The following TAFA1 variants were observed in gnomAD, a reference collection of about 807,000 sequenced individuals.
TAFA1 encodes TAFA chemokine like family member 1.
A neutral mutation model predicts 18.5 loss-of-function variants in TAFA1; 4 were observed. The observed-to-expected ratio is 0.22, with a 90% CI of 0.11 to 0.49. TAFA1 has a LOEUF of 0.49. TAFA1 is among the 20% of genes least tolerant of loss of function. The pLI, the probability that TAFA1 is intolerant of heterozygous loss-of-function variation, is 0.98. For synonymous variants in TAFA1, 56 were observed against 55.2 expected (o/e 1.01, Z -0.06); for missense variants, 147 against 169.0 (o/e 0.87, Z 0.72).
At chr3:68,186,943 A>G (rs766364533) in intron 2 of TAFA1, among the ~76,000 whole-genome samples, 2 of 151,908 alleles carry the variant, frequency 1.3e-5, no homozygotes, top group Non-Finnish European at 2.9e-5. Context: ...TCTGTGGGTA[A>G]TTAGCAGTTT....
chr3:68,225,334 C>T (rs945112813), intron 2 of TAFA1, among the ~76,000 whole-genome samples: 3 of 152,142 alleles, frequency 2.0e-5, no homozygotes, highest in African/African-American at 4.8e-5. Flanking sequence ...CTAATCGGAA[C>T]TTGTGCCCAT....
chr3:68,275,768 C>T (rs1317964095), intron 2 of TAFA1, among the ~76,000 whole-genome samples: 2 of 151,996 alleles, frequency 1.3e-5, no homozygotes, highest in Non-Finnish European at 2.9e-5. Flanking sequence ...GGAAGCAGGA[C>T]TGTGCTGTTT....
chr3:68,060,203 T>TG (rs1213353581), intron 2 of TAFA1, among the ~76,000 whole-genome samples: 134 of 141,210 alleles, frequency 9.5e-4, no homozygotes, highest in East Asian at 6.9e-3. Flanking sequence ...TGTGTGTGTG[T>TG]TTGTGTGTGT....
At chr3:68,231,671 T>C (rs1425649213) in intron 2 of TAFA1, among the ~76,000 whole-genome samples, 1 of 152,208 alleles carries the variant, frequency 6.6e-6, no homozygotes, top group Non-Finnish European at 1.5e-5. Flanking sequence ...ATCTATTTGA[T>C]TTTTGCTAAC....
In TAFA1 at chr3:68,036,960, A is replaced by G. The variant is rs114119086; in HGVS notation, c.118+30216A>G. ...ACACTTATTGAGTGCTAAGTCCCTC[A>G]CCAGGAACTAATTCCTGCTCTCTGA... On this transcript the variant is annotated intron_variant, in intron 2 of 4. Transcript: ENST00000478136. Among the ~76,000 whole-genome samples the G allele has an allele frequency of 2.1e-3, 325 of 152,250 alleles. 3 individuals are homozygous for G. The highest frequency in any genetic ancestry group is 7.5e-3 in the African/African-American group (313 of 41,554).
intron 2 of TAFA1, among the ~76,000 whole-genome samples, chr3:68,028,342 A>G (rs1177162034): frequency 6.6e-6 from 1 of 152,140 alleles, no homozygotes; most frequent in Non-Finnish European, 1.5e-5. Context: ...GTATATATAT[A>G]TAGCTGCATC....
At chr3:68,211,964 G>T (rs144176738) in intron 2 of TAFA1, among the ~76,000 whole-genome samples, 1 of 152,138 alleles carries the variant, frequency 6.6e-6, no homozygotes, top group East Asian at 1.9e-4. Flanking sequence ...TAGGCTTGGA[G>T]GGTCAAATAT....
chr3:68,187,253 A>G (rs2066282347), intron 2 of TAFA1, among the ~76,000 whole-genome samples: 1 of 152,040 alleles, frequency 6.6e-6, no homozygotes. Flanking sequence ...GGAGTATAGC[A>G]TATAAAAAAA....
chr3:68,411,208 C>T (rs1444808921), intron 2 of TAFA1, among the ~76,000 whole-genome samples: 1 of 152,156 alleles, frequency 6.6e-6, no homozygotes, highest in Admixed American at 6.5e-5. Flanking sequence ...CACCTTCTCA[C>T]TGTATCATGG....
chr3:68,074,171 T>C (rs1278717349), intron 2 of TAFA1, among the ~76,000 whole-genome samples: 1 of 152,094 alleles, frequency 6.6e-6, no homozygotes, highest in African/African-American at 2.4e-5. Context: ...AATAGAGTTC[T>C]TGCTCCTATG....
At chr3:68,304,848 G>T (rs2068375060) in intron 2 of TAFA1, among the ~76,000 whole-genome samples, 1 of 152,104 alleles carries the variant, frequency 6.6e-6, no homozygotes, top group Non-Finnish European at 1.5e-5. Flanking sequence ...TTGTTTAGTT[G>T]GGTGTTTTCA....
intron 2 of TAFA1, among the ~76,000 whole-genome samples, chr3:68,396,784 T>C (rs1335280425): frequency 6.6e-6 from 1 of 152,226 alleles, no homozygotes; most frequent in African/African-American, 2.4e-5. Flanking sequence ...CATAAAAGTT[T>C]AAACAATTCT....
chr3:68,375,785 C>G (rs887364236), intron 2 of TAFA1, among the ~76,000 whole-genome samples: 1 of 152,116 alleles, frequency 6.6e-6, no homozygotes, highest in African/African-American at 2.4e-5. Flanking sequence ...AAGTTTGAGA[C>G]CATTGCTATA....
intron 2 of TAFA1, among the ~76,000 whole-genome samples, chr3:68,011,691 A>G (rs1425680370): frequency 1.3e-5 from 2 of 152,234 alleles, no homozygotes; most frequent in African/African-American, 4.8e-5. Flanking sequence ...AATGCGTACC[A>G]GTGCTAGGCT....
chr3:68,281,989 A>G (rs2067906760), intron 2 of TAFA1, among the ~76,000 whole-genome samples: 1 of 152,182 alleles, frequency 6.6e-6, no homozygotes. Context: ...ATGGCTGGGG[A>G]GGCCTCAGGA....
chr3:68,275,160 G>T (rs1328116185), intron 2 of TAFA1, among the ~76,000 whole-genome samples: 1 of 152,130 alleles, frequency 6.6e-6, no homozygotes, highest in Non-Finnish European at 1.5e-5. Flanking sequence ...AGGTACTGGG[G>T]TGATAGCAGT....
chr3:68,033,468 T>C (rs1704979306), intron 2 of TAFA1, among the ~76,000 whole-genome samples: 1 of 152,234 alleles, frequency 6.6e-6, no homozygotes, highest in Non-Finnish European at 1.5e-5. Flanking sequence ...TGCAAGCATT[T>C]AGCTTCTGAC....
chr3:68,483,396 A>C (rs2072273333), intron 3 of TAFA1, among the ~76,000 whole-genome samples: 1 of 152,242 alleles, frequency 6.6e-6, no homozygotes, highest in African/African-American at 2.4e-5. Flanking sequence ...CATGGATTAT[A>C]AAACCCATTT....
At chr3:68,167,299 C>T (rs1030701988) in intron 2 of TAFA1, among the ~76,000 whole-genome samples, 6 of 152,172 alleles carry the variant, frequency 3.9e-5, no homozygotes, top group East Asian at 1.9e-4. Context: ...AAAATGCGGC[C>T]GGGCGCCGTG....
Sources: gnomAD v4.1 joint callset for allele counts (sites outside exome capture counted in the v4.1 genomes callset) on GRCh38, gnomAD v4.1.1 for gene constraint, MANE v1.5 for transcripts, NCBI Gene and HGNC (gene_info 2026-07-23, HGNC 2026-07-21) for gene names.